Variants in MIDN observed in about 807,000 individuals in gnomAD.
MIDN encodes midbrain nucleolar protein.
A neutral mutation model predicts 46.1 loss-of-function variants in MIDN; 26 were observed. That is an observed-to-expected ratio of 0.56 (90% CI 0.41 to 0.78). The LOEUF (loss-of-function observed/expected upper bound fraction) is 0.78, where lower values mean the gene tolerates loss of function less well. MIDN is among the 30% of genes least tolerant of loss of function. The probability of loss-of-function intolerance (pLI) is 0.00; values close to 1 mark genes in which losing one functional copy is unlikely to be tolerated. For missense variants in MIDN, 850 were observed against 771.8 expected (o/e 1.10, Z -1.20); for synonymous variants, 432 against 343.3 (o/e 1.26, Z -2.86).
chr19:1,249,320 G>C (rs1489877912), intron 1 of MIDN, among the ~76,000 whole-genome samples: 5 of 150,068 alleles, frequency 3.3e-5, no homozygotes, highest in African/African-American at 1.2e-4. Flanking sequence ...CGCGGCCCTA[G>C]CCTCACCGTC....
At chr19:1,253,396 A>G (rs976804212) in intron 4 of MIDN, among the ~76,000 whole-genome samples, 2 of 149,268 alleles carry the variant, frequency 1.3e-5, no homozygotes, top group African/African-American at 5.0e-5. Context: ...ATCCCAGCCT[A>G]TGTCACTTCT....
intron 7 of MIDN, among the ~76,000 whole-genome samples, 171 bp from the exon 8 acceptor site, chr19:1,255,251 A>G (rs2081184469): frequency 6.6e-6 from 1 of 151,930 alleles, no homozygotes; most frequent in African/African-American, 2.4e-5. Context: ...GCGGGTCACC[A>G]GGCGCCTGCA....
Position 1,255,661 on chromosome 19 carries a change from G to A in MIDN, c.1225G>A (p.Gly409Ser), listed in dbSNP as rs1465794325. Residue 409 changes from glycine to serine, a missense_variant, in exon 8 of 9, where the codon GGC becomes AGC. Physicochemically the swap from Gly to Ser is moderately conservative, Grantham distance 56 (BLOSUM62 0). Coordinates refer to ENST00000682408, the MANE Select transcript of MIDN (RefSeq NM_001388306.1). ...TGCCCCCTCAGCCTCCCTGCTGCAGGGCCAGAGCCAGATCCGCATGTGCAA... is the reference window on the plus strand; with the variant it reads ...TGCCCCCTCAGCCTCCCTGCTGCAGAGCCAGAGCCAGATCCGCATGTGCAA... The part of the protein sequence containing the change: ...TAAPSASLLQ[G>S]QSQIRMCKPP... 1 of 1,599,436 alleles carries A rather than the reference G, an allele frequency of 6.3e-7. No homozygotes were observed. Among genetic ancestry groups the A allele is most frequent in the East Asian group, 2.2e-5 (1 of 44,712 alleles).
Position 1,257,978 on chromosome 19 carries a change from C to T in MIDN, c.*706C>T, listed in dbSNP as rs1450906991. ...TAGCAGAGGCTGGGGCTGAGGTCCCCATGGGGTTTGGGTGCAGGGGCATGG... is the reference window on the plus strand; with the variant it reads ...TAGCAGAGGCTGGGGCTGAGGTCCCTATGGGGTTTGGGTGCAGGGGCATGG... On this transcript the variant is annotated 3_prime_UTR_variant, in exon 9 of 9. Transcript: ENST00000682408. The T allele has an allele frequency of 6.6e-6, 1 of 152,420 alleles. No homozygotes were observed. Among genetic ancestry groups the T allele is most frequent in the Non-Finnish European group, 1.5e-5 (1 of 68,050 alleles). 9.4% of individuals were successfully genotyped at this position (152,420 alleles called of 1,614,324 possible).
chr19:1,255,595 G>T lies in MIDN; in HGVS notation c.1159G>T (p.Asp387Tyr). The change falls in exon 8 of 9, where the codon GAC becomes TAC. Residue 387 changes from aspartate (D) to tyrosine (Y), a missense_variant. Coordinates refer to ENST00000682408, the MANE Select transcript of MIDN (RefSeq NM_001388306.1). ...AQCSPASPAP[D>Y]LAPRTTSCEK... ...GTGCTCCCCGGCCTCACCGGCCCCC[G>T]ACCTGGCCCCCAGAACTACCTCCTG... 1 of 1,610,238 alleles carries T rather than the reference G, an allele frequency of 6.2e-7. No homozygotes were observed. Among genetic ancestry groups the T allele is most frequent in the South Asian group, 1.1e-5 (1 of 90,980 alleles).
chr19:1,254,670 G>A (rs996747224), intron 6 of MIDN, among the ~76,000 whole-genome samples, 192 bp downstream of exon 6: 1 of 151,946 alleles, frequency 6.6e-6, no homozygotes, highest in East Asian at 1.9e-4. Context: ...CTGAGTTGAC[G>A]GTCATCGCCT....
rs768243814 is a variant in MIDN at position 1,257,201 on chromosome 19, C to A, written c.1465C>A (p.Leu489Ile). 1.7e-5 allele frequency: 28 copies of A among 1,612,142 alleles called. No individual in the cohort carries two copies. The highest frequency in any genetic ancestry group is 2.2e-5 in the Non-Finnish European group (26 of 1,179,670). Residue 489 changes from leucine (L) to isoleucine (I), a missense_variant, in exon 9 of 9, where the codon CTC becomes ATC. Physicochemically the swap from Leu to Ile is conservative, Grantham distance 5. Coordinates refer to ENST00000682408, the MANE Select transcript of MIDN (RefSeq NM_001388306.1). The stretch of plus-strand genomic sequence containing the variant: ...CCCCAGCGAGGCCTCCGGCTTGGGC[C>A]TCGACTTCGAGGACTCCGTGTGGAA... ...GSPSEASGLG[L>I]DFEDSVWKPE...
At chr19:1,256,570 AG>A (rs547979162) in intron 8 of MIDN, among the ~76,000 whole-genome samples, 2 of 151,444 alleles carry the variant, frequency 1.3e-5, no homozygotes, top group Non-Finnish European at 2.9e-5. Flanking sequence ...GTAGGACTCC[AG>A]GAAGAATGAG....
At chr19:1,251,066 G>A (rs897101522) in intron 2 of MIDN, among the ~76,000 whole-genome samples, 144 of 152,048 alleles carry the variant, frequency 9.5e-4, no homozygotes, top group African/African-American at 3.2e-3. Context: ...GGGGAGGGGC[G>A]GAGGGGGAGG....
rs1194133136 is a variant in MIDN, at chr19:1,258,892, T to C, written c.*1620T>C. Reference sequence around the variant, plus strand: ...TACCTATTTAAATGTGTGTTCTGTTTTGTTTTTTAACGATTTTTAAATAAC... The same window carrying C: ...TACCTATTTAAATGTGTGTTCTGTTCTGTTTTTTAACGATTTTTAAATAAC... On this transcript the variant is annotated 3_prime_UTR_variant, in exon 9 of 9. Transcript: ENST00000682408. 6.6e-6 allele frequency: 1 copy of C among 152,150 alleles called. No individual in the cohort carries two copies. The highest frequency in any genetic ancestry group is 1.9e-4 in the East Asian group (1 of 5,204). The allele number at this position is 152,150 out of a possible 1,614,324, so 9.4% of individuals were successfully genotyped here. A position where few individuals can be genotyped will look rare whatever the true frequency, so the allele number is the denominator to read the frequency against.
intron 7 of MIDN, 115 bp downstream of exon 7, chr19:1,255,176 G>A (rs560788575): frequency 2.0e-5 from 26 of 1,298,872 alleles, no homozygotes; most frequent in East Asian, 4.8e-5. Flanking sequence ...GGCTGTGTCC[G>A]TCTGCTCACT....
intron 8 of MIDN, among the ~76,000 whole-genome samples, chr19:1,256,349 G>C (rs1219132188): frequency 2.0e-5 from 3 of 152,148 alleles, no homozygotes; most frequent in Admixed American, 6.5e-5. Context: ...CAGGCGTGGT[G>C]GTGGGCGCCT....
At chr19:1,251,743 C>A in intron 3 of MIDN, 94 bp downstream of exon 3, 1 of 1,518,602 alleles carries the variant, frequency 6.6e-7, no homozygotes, top group Non-Finnish European at 9.0e-7. Context: ...CTACCTGGGG[C>A]CCCCACCCCG....
Position 1,250,412 on chromosome 19 carries a change from C to T in MIDN, c.116C>T (p.Thr39Met), listed in dbSNP as rs768499988. 7.4e-7 allele frequency: 1 copy of T among 1,346,608 alleles called. No individual in the cohort carries two copies. The highest frequency in any genetic ancestry group is 9.7e-7 in the Non-Finnish European group (1 of 1,028,012). 83.4% of individuals were successfully genotyped at this position (1,346,608 alleles called of 1,614,324 possible). A position where few individuals can be genotyped will look rare whatever the true frequency, so the allele number is the denominator to read the frequency against. The change falls in exon 2 of 9, where the codon ACG becomes ATG. Residue 39 changes from threonine (T) to methionine (M), a missense_variant. By Grantham distance (81) the Thr-to-Met change is moderately conservative. Coordinates refer to ENST00000682408, the MANE Select transcript of MIDN (RefSeq NM_001388306.1). Reference protein sequence around the residue: ...APMSLAIHSTTGTRYDLAVPP... With the variant: ...APMSLAIHSTMGTRYDLAVPP... ...ATGAGCCTCGCCATCCACAGCACCA[C>T]GGGCACCCGCTACGACCTGGCCGTG...
chr19:1,254,358 C>G lies in MIDN; in HGVS notation c.705C>G (p.Cys235Trp), dbSNP rs751831100. 8 of 1,562,088 alleles carry G rather than the reference C, an allele frequency of 5.1e-6. No individual in the cohort carries two copies. The highest frequency in any genetic ancestry group is 6.9e-6 in the Non-Finnish European group (8 of 1,160,814). ...TAGCCTCCCCCGTGTCCTCGCCCTG[C>G]CGGCCGGTGTCCAGTGCCGCCCGAG... ...PSIASPVSSP[C>W]RPVSSAARVP... Residue 235 changes from cysteine to tryptophan, a missense_variant, in exon 6 of 9, where the codon TGC (cysteine) becomes TGG (tryptophan). Physicochemically the swap from Cys to Trp is radical, Grantham distance 215. Coordinates refer to ENST00000682408, the MANE Select transcript of MIDN (RefSeq NM_001388306.1).
intron 2 of MIDN, 51 bp from the exon 3 acceptor site, chr19:1,251,511 C>T (rs777660226): frequency 6.4e-7 from 1 of 1,558,764 alleles, no homozygotes; most frequent in South Asian, 1.1e-5. Context: ...TCTGCTTCCG[C>T]GTCCCTGTGT....
chr19:1,254,918 C>T lies in MIDN; in HGVS notation c.842C>T (p.Pro281Leu), dbSNP rs1383990322. The change falls in exon 7 of 9, where the codon CCC becomes CTC. Residue 281 changes from proline (P) to leucine (L), a missense_variant. Coordinates refer to ENST00000682408, the MANE Select transcript of MIDN (RefSeq NM_001388306.1). ...TTCPEQMDCS[P>L]TASSSASPGA... ...TCCCATCAGCAGATGGACTGCTCCCCCACGGCCAGCAGCAGTGCCAGTCCT... is the reference window on the plus strand; with the variant it reads ...TCCCATCAGCAGATGGACTGCTCCCTCACGGCCAGCAGCAGTGCCAGTCCT... 1 of 1,607,744 alleles carries T rather than the reference C, an allele frequency of 6.2e-7. No individual in the cohort carries two copies. Among genetic ancestry groups the T allele is most frequent in the Non-Finnish European group, 8.5e-7 (1 of 1,177,096 alleles).
At position 1,257,715 on chromosome 19, in the gene MIDN, A is replaced by C. The variant is rs945723867; in HGVS notation, c.*443A>C. ...TTCAGGTTTTAAGTCAAAAATGTCGATATGTCATTATGCACTTTACAGATG... is the reference window on the plus strand; with the variant it reads ...TTCAGGTTTTAAGTCAAAAATGTCGCTATGTCATTATGCACTTTACAGATG... On this transcript the variant is annotated 3_prime_UTR_variant, in exon 9 of 9. Transcript: ENST00000682408. 5.6e-6 allele frequency: 1 copy of C among 177,434 alleles called. No homozygotes were observed. The highest frequency in any genetic ancestry group is 1.2e-5 in the Non-Finnish European group (1 of 83,954). The allele number at this position is 177,434 out of a possible 1,614,324, so 11.0% of individuals were successfully genotyped here. A position where few individuals can be genotyped will look rare whatever the true frequency, so the allele number is the denominator to read the frequency against.
In MIDN at chr19:1,251,822, C is replaced by G. The variant is rs201839842; in HGVS notation, c.322-17C>G. The G allele has an allele frequency of 1.2e-6, 2 of 1,611,506 alleles. No individual in the cohort carries two copies. Among genetic ancestry groups the G allele is most frequent in the South Asian group, 2.2e-5 (2 of 91,016 alleles). ...TCCGACCCCACACTCAGGCCCCTCT[C>G]CTCCCTCTCTTTGTAGTCTCAGGCC... On this transcript the variant is annotated splice_polypyrimidine_tract_variant and intron_variant, in intron 3 of 8. Coordinates refer to ENST00000682408, the MANE Select transcript of MIDN (RefSeq NM_001388306.1).
Sources: gnomAD v4.1 joint callset for allele counts (sites outside exome capture counted in the v4.1 genomes callset) on GRCh38, gnomAD v4.1.1 for gene constraint, MANE v1.5 for transcripts, NCBI Gene and HGNC (gene_info 2026-07-23, HGNC 2026-07-21) for gene names.